Variants in MTERF4 observed in about 807,000 individuals in gnomAD.
MTERF4 encodes transcription termination factor 4, mitochondrial.
Under a neutral mutation model 22.5 loss-of-function variants are expected in MTERF4, and 17 were observed. The observed-to-expected ratio is 0.75, with a 90% CI of 0.52 to 1.13. MTERF4 has a LOEUF of 1.13. Among genes scored for constraint, MTERF4 ranks in the 50% most tolerant of loss-of-function variants. The probability of loss-of-function intolerance (pLI) is 0.00; values close to 1 mark genes in which losing one functional copy is unlikely to be tolerated. For synonymous variants in MTERF4, 165 were observed against 175.3 expected (o/e 0.94, Z 0.47); for missense variants, 420 against 466.8 (o/e 0.90, Z 0.92).
the MTERF4 span, chr2:241,063,581 G>C: frequency 5.7e-6 from 9 of 1,591,818 alleles, no homozygotes; most frequent in Admixed American, 1.6e-4. Flanking sequence ...CCCCTTCTCT[G>C]TGCAGAGAGG....
Position 241,076,122 on chromosome 2 carries a change from G to C in MTERF4, n.480-440C>G, listed in dbSNP as rs182626547. ...CTTCAGAAGTATCATTGCTACCCTT[G>C]GCCTTTTTTCTTCCACATATACACC... is the stretch of plus-strand genomic sequence containing the variant. On this transcript the variant is annotated intron_variant and non_coding_transcript_variant, in intron 4 of 4. Coordinates refer to the MTERF4 transcript ENST00000464344. Among the ~76,000 whole-genome samples, 180 of 152,134 alleles carry C rather than the reference G, an allele frequency of 1.2e-3. 1 individual carries two copies. Among genetic ancestry groups the C allele is most frequent in the Middle Eastern group, 3.4e-3 (1 of 294 alleles).
chr2:241,096,745 G>A lies in MTERF4; in HGVS notation c.706-307C>T, dbSNP rs771184965. The A allele has an allele frequency of 2.4e-5, 14 of 584,840 alleles. 1 individual carries two copies. The South Asian group carries it at 2.4e-4, about 10-fold the overall frequency. The allele number at this position is 584,840 out of a possible 1,614,324, so 36.2% of individuals were successfully genotyped here. ...ATGGGGAAGGAAAAGGATGAATATG[G>A]AAAGAATAGGCAAAACATTCAGAAA... On this transcript the variant is annotated intron_variant, in intron 3 of 3. Transcript: ENST00000391980. This position sits in a 1 kb window ranked among gnomAD's most constrained non-coding sequence, Gnocchi z 5.1.
chr2:241,062,396 A>G, the MTERF4 span, among the ~76,000 whole-genome samples: 131 of 152,356 alleles, frequency 8.6e-4, no homozygotes, highest in African/African-American at 3.0e-3. Flanking sequence ...GCTGTGGTGA[A>G]TCATTTAAAA....
chr2:241,073,568 C>T lies in MTERF4; in HGVS notation n.2594G>A, dbSNP rs1016793746. ...AGCAGTGGGACCCCACAGACGGGAA[C>T]AGGCCAGGGGGCAGGACCCACCCAA... On this transcript the variant is annotated non_coding_transcript_exon_variant, in exon 5 of 5. Coordinates refer to the MTERF4 transcript ENST00000464344. The surrounding 1 kb of genome is among the most constrained non-coding windows in gnomAD (Gnocchi z 6.6). 1.3e-5 allele frequency: 8 copies of T among 624,100 alleles called. No homozygotes were observed. The highest frequency in any genetic ancestry group is 1.3e-4 in the Admixed American group (5 of 39,516). 38.7% of individuals were successfully genotyped at this position (624,100 alleles called of 1,614,324 possible). A position where few individuals can be genotyped will look rare whatever the true frequency, so the allele number is the denominator to read the frequency against.
chr2:241,092,271 C>T (rs2064077022), downstream of MTERF4: 1 of 152,196 alleles, frequency 6.6e-6, no homozygotes, highest in Non-Finnish European at 1.5e-5. This position sits in a 1 kb window ranked among gnomAD's most constrained non-coding sequence, Gnocchi z 4.6. Flanking sequence ...CTTTTTTAGA[C>T]AACGGCGCGA....
At chr2:241,086,798 C>G (rs1181100153), downstream of MTERF4, among the ~76,000 whole-genome samples, 1 of 152,222 alleles carries the variant, frequency 6.6e-6, no homozygotes, top group Non-Finnish European at 1.5e-5. Flanking sequence ...TAACAAAAGA[C>G]AAAACGCCTT....
the MTERF4 span, chr2:241,048,499 C>G: frequency 6.5e-7 from 1 of 1,544,046 alleles, no homozygotes; most frequent in Non-Finnish European, 8.7e-7. Context: ...CCAGGGAGGG[C>G]CTTCCTGTGG....
At chr2:241,062,602 G>GCCAGGCACTGAGCC in the MTERF4 span, among the ~76,000 whole-genome samples, 1 of 152,150 alleles carries the variant, frequency 6.6e-6, no homozygotes, top group Non-Finnish European at 1.5e-5. Context: ...CACAGACACA[G>GCCAGGCACTGAGCC]CCAGGCACTG....
chr2:241,080,448 G>C (rs1227699126), intron 4 of MTERF4, among the ~76,000 whole-genome samples: 1 of 152,180 alleles, frequency 6.6e-6, no homozygotes, highest in African/African-American at 2.4e-5. Context: ...AGCGGTGTGA[G>C]TGCCAGGCTG....
At chr2:241,088,193 A>G (rs535708421), downstream of MTERF4, 1 of 606,004 alleles carries the variant, frequency 1.7e-6, no homozygotes, top group African/African-American at 1.9e-5. Context: ...GCGGGCGCAC[A>G]CAAACTAAAA....
chr2:241,099,505 A>G lies in MTERF4; in HGVS notation c.411T>C (p.Asn137=). Reference sequence around the variant, plus strand: ...TCAAGACCACACACACAGGCTCTGGATTCAGACCCAAGAGAATAAATTCTG... The same window carrying G: ...TCAAGACCACACACACAGGCTCTGGGTTCAGACCCAAGAGAATAAATTCTG... ...IISEFILLGL[N]PEPVCVVLKK... The change falls in exon 2 of 4, where the codon AAT becomes AAC. Residue 137 remains asparagine (N), a synonymous_variant. Transcript: ENST00000391980. The G allele has an allele frequency of 6.2e-7, 1 of 1,614,228 alleles. No individual in the cohort carries two copies. The highest frequency in any genetic ancestry group is 1.3e-5 in the African/African-American group (1 of 75,058).
At chr2:241,090,041 A>T (rs1185208877), downstream of MTERF4, 2 of 1,543,342 alleles carry the variant, frequency 1.3e-6, no homozygotes, top group Admixed American at 2.0e-5. Context: ...ATAATAAATT[A>T]GTCCTGCAAT....
chr2:241,051,373 G>C, the MTERF4 span: 1 of 209,098 alleles, frequency 4.8e-6, no homozygotes, highest in Non-Finnish European at 9.5e-6. The surrounding 1 kb of genome is among the most constrained non-coding windows in gnomAD (Gnocchi z 4.7). Context: ...TGTCACGGCA[G>C]ATGAGACTCA....
chr2:241,065,049 C>T, the MTERF4 span: 11 of 1,035,038 alleles, frequency 1.1e-5, no homozygotes, highest in Admixed American at 5.7e-5. Context: ...AGCGTCTGGC[C>T]GCTGCTTGCC....
chr2:241,071,442 C>A, downstream of MTERF4: 1 of 1,047,644 alleles, frequency 9.5e-7, no homozygotes, highest in Non-Finnish European at 1.4e-6. Flanking sequence ...CTTGGATGAC[C>A]ACGGCCCACG....
At chr2:241,087,221 C>T, downstream of MTERF4, 2 of 601,874 alleles carry the variant, frequency 3.3e-6, no homozygotes, top group Non-Finnish European at 5.9e-6. Flanking sequence ...ATCACATGAC[C>T]TTTATGTTAG....
chr2:241,065,954 TG>T, the MTERF4 span, among the ~76,000 whole-genome samples: 2 of 58,302 alleles, frequency 3.4e-5, no homozygotes, highest in African/African-American at 6.3e-5. Flanking sequence ...GGGGTGGGCT[TG>T]GGGGGGCTGG....
At chr2:241,071,735 C>A (rs755028769), downstream of MTERF4, 3 of 1,515,062 alleles carry the variant, frequency 2.0e-6, no homozygotes, top group Non-Finnish European at 8.9e-7. Context: ...ATGCCCCACC[C>A]ATCGGCCCCA....
chr2:241,065,226 G>A, the MTERF4 span: 175 of 1,515,900 alleles, frequency 1.2e-4, 3 homozygotes, highest in Middle Eastern at 1.0e-3. Context: ...CGGCTGAGCC[G>A]CCGACGGGAG....
Sources: allele counts gnomAD v4.1 joint callset (sites outside exome capture counted in the v4.1 genomes callset), GRCh38; gene constraint gnomAD v4.1.1; non-coding constraint Gnocchi (gnomAD v3.1); transcripts MANE v1.5; gene names NCBI Gene and HGNC (gene_info 2026-07-23, HGNC 2026-07-21).